The following STX18 variants were observed in gnomAD, a reference collection of about 807,000 sequenced individuals.
STX18 encodes the protein syntaxin 18.
A neutral mutation model predicts 50.1 loss-of-function variants in STX18; 40 were observed. The ratio of observed to expected loss-of-function variants is 0.80; its 90% CI spans 0.62 to 1.04. STX18 has a LOEUF of 1.04. STX18 is among the 50% of genes least tolerant of loss of function. The pLI, the probability that STX18 is intolerant of heterozygous loss-of-function variation, is 0.00. For synonymous variants in STX18, 158 were observed against 151.8 expected (o/e 1.04, Z -0.30); for missense variants, 410 against 415.8 (o/e 0.99, Z 0.12).
chr4:4,521,727 T>C (rs980978786), intron 1 of STX18, among the ~76,000 whole-genome samples: 2 of 152,098 alleles, frequency 1.3e-5, no homozygotes, highest in African/African-American at 4.8e-5. Context: ...CCCAGGAACA[T>C]ACACATCTGT....
chr4:4,422,836 G>T (rs543006796), intron 9 of STX18, among the ~76,000 whole-genome samples: 1 of 152,292 alleles, frequency 6.6e-6, no homozygotes, highest in Non-Finnish European at 1.5e-5. Context: ...AGTATCTTAA[G>T]TCAAGTAGTC....
At position 4,420,059 on chromosome 4, in the gene STX18, A is replaced by C; in HGVS notation, c.983T>G (p.Leu328Arg). The C allele has an allele frequency of 6.2e-7, 1 of 1,613,168 alleles. No homozygotes were observed. The stretch of plus-strand genomic sequence containing the variant: ...CTAGCTGTCGTACCAGTCGAGGAAG[A>C]GCAAGGAGAAGGAGCACATCACGAG... Reference protein sequence around the residue: ...FFLVMCSFSLLFLDWYDS With the variant: ...FFLVMCSFSLRFLDWYDS Residue 328 changes from leucine to arginine, a missense_variant, in exon 11 of 11, where the codon CTC becomes CGC. Transcript: ENST00000306200. The surrounding 1 kb of genome is among the most constrained non-coding windows in gnomAD (Gnocchi z 4.3).
intron 5 of STX18, among the ~76,000 whole-genome samples, chr4:4,440,965 T>C (rs1726071853): frequency 6.6e-6 from 1 of 152,212 alleles, no homozygotes; most frequent in African/African-American, 2.4e-5. Flanking sequence ...TGCAGTCATC[T>C]GAAGGGCTGA....
At chr4:4,511,872 A>C (rs964101423) in intron 1 of STX18, among the ~76,000 whole-genome samples, 1 of 152,020 alleles carries the variant, frequency 6.6e-6, no homozygotes, top group Admixed American at 6.6e-5. Context: ...GGATGGGTTA[A>C]AGTTCAGGTT....
At chr4:4,439,072 A>G (rs2108790489) in intron 5 of STX18, among the ~76,000 whole-genome samples, 1 of 149,704 alleles carries the variant, frequency 6.7e-6, no homozygotes, top group Non-Finnish European at 1.5e-5. Context: ...ATATACCCAC[A>G]CACATATATA....
intron 1 of STX18, among the ~76,000 whole-genome samples, chr4:4,520,009 C>T (rs1296081472): frequency 1.3e-5 from 2 of 152,144 alleles, no homozygotes; most frequent in Non-Finnish European, 2.9e-5. Flanking sequence ...CTACTTAAAC[C>T]TGTTCATAAT....
chr4:4,535,102 A>C (rs981849548), intron 1 of STX18, among the ~76,000 whole-genome samples: 3 of 152,202 alleles, frequency 2.0e-5, no homozygotes, highest in African/African-American at 7.2e-5. Flanking sequence ...CGTCTGGTGG[A>C]ATGGTTTTTC....
At chr4:4,453,588 T>G in intron 5 of STX18, 1 of 727,008 alleles carries the variant, frequency 1.4e-6, no homozygotes, top group Non-Finnish European at 1.7e-6. Flanking sequence ...TGCTTTATTG[T>G]GATATTCACT....
In STX18 at chr4:4,485,959, C is replaced by T. The variant is rs191117603; in HGVS notation, c.169-14253G>A. 7.1e-3 allele frequency among the ~76,000 whole-genome samples: 1,080 copies of T among 152,282 alleles called. 5 individuals carry two copies. Among genetic ancestry groups the T allele is most frequent in the Non-Finnish European group, 0.013 (863 of 68,020 alleles). The stretch of plus-strand genomic sequence containing the variant: ...TAGAATTCCATGAGCAGCCTATATC[C>T]TTTGCTCTCTTAGAAGTACGAGTGG... On this transcript the variant is annotated intron_variant, in intron 1 of 10. Transcript: ENST00000306200.
Position 4,419,889 on chromosome 4 carries a change from TAC to T in STX18, c.*143_*144del. On this transcript the variant is annotated 3_prime_UTR_variant, in exon 11 of 11. Transcript: ENST00000306200. ...GCCTGGGGTATCCCTTTTTGGGGAATACGTCTGTCTGTCTGAACTCCTTTCCC... is the reference window on the plus strand; with the variant it reads ...GCCTGGGGTATCCCTTTTTGGGGAATGTCTGTCTGTCTGAACTCCTTTCCC... 1.5e-6 allele frequency: 1 copy of T among 687,942 alleles called. No homozygotes were observed. The highest frequency in any genetic ancestry group is 2.5e-6 in the Non-Finnish European group (1 of 408,136). The allele number at this position is 687,942 out of a possible 1,614,324, so 42.6% of individuals were successfully genotyped here.
chr4:4,424,937 C>T (rs1247055530), intron 8 of STX18, among the ~76,000 whole-genome samples: 3 of 152,110 alleles, frequency 2.0e-5, no homozygotes, highest in Non-Finnish European at 4.4e-5. Flanking sequence ...AGCACCTGGG[C>T]CCCCCGCAGC....
At chr4:4,487,654 C>T (rs1479197401) in intron 1 of STX18, among the ~76,000 whole-genome samples, 1 of 152,176 alleles carries the variant, frequency 6.6e-6, no homozygotes, top group Non-Finnish European at 1.5e-5. Context: ...TGTCGCCTCC[C>T]CCCTGCCAAA....
chr4:4,446,291 G>A (rs35879494), intron 5 of STX18, among the ~76,000 whole-genome samples: 3,244 of 151,992 alleles, frequency 0.021, 47 homozygotes, highest in South Asian at 0.033. Flanking sequence ...TAGTGACCTT[G>A]GGGTAGACAA....
chr4:4,510,764 C>A (rs1005796657), intron 1 of STX18, among the ~76,000 whole-genome samples: 1 of 152,114 alleles, frequency 6.6e-6, no homozygotes, highest in African/African-American at 2.4e-5. Context: ...AAAGGCCCAT[C>A]AATGATAGAC....
chr4:4,510,933 C>T (rs1729972733), intron 1 of STX18, among the ~76,000 whole-genome samples: 1 of 151,804 alleles, frequency 6.6e-6, no homozygotes, highest in South Asian at 2.1e-4. Context: ...TGTTCTCACT[C>T]ATAAGTGGGA....
chr4:4,511,580 C>T (rs1730005662), intron 1 of STX18, among the ~76,000 whole-genome samples: 1 of 151,944 alleles, frequency 6.6e-6, no homozygotes, highest in Admixed American at 6.6e-5. Flanking sequence ...CTATTTGAAT[C>T]TATGTGGTAG....
At chr4:4,439,992 A>C (rs1726022661) in intron 5 of STX18, among the ~76,000 whole-genome samples, 1 of 152,222 alleles carries the variant, frequency 6.6e-6, no homozygotes, top group African/African-American at 2.4e-5. Context: ...CCTAGATCCC[A>C]GATTCTGGAT....
At position 4,540,508 on chromosome 4, in the gene STX18, C is replaced by T. The variant is rs199924945; in HGVS notation, c.168+1289G>A. On this transcript the variant is annotated intron_variant, in intron 1 of 10. Coordinates refer to ENST00000306200, the MANE Select transcript of STX18 (RefSeq NM_016930.4). ...TTCTGCACTGGAACCAACTAATCCT[C>T]TTTCAAGATTTGTTTTAGGCATCAT... Among the ~76,000 whole-genome samples, 11 of 152,362 alleles carry T rather than the reference C, an allele frequency of 7.2e-5. No homozygotes were observed. In the East Asian group the frequency reaches 1.9e-3, roughly 27 times the overall value.
chr4:4,454,521 G>A (rs535264489), intron 5 of STX18, among the ~76,000 whole-genome samples: 3 of 152,280 alleles, frequency 2.0e-5, no homozygotes, highest in African/African-American at 4.8e-5. Context: ...GAGACCCAGT[G>A]ACCACCACAC....
Sources: allele counts gnomAD v4.1 joint callset (sites outside exome capture counted in the v4.1 genomes callset), GRCh38; gene constraint gnomAD v4.1.1; non-coding constraint Gnocchi (gnomAD v3.1); transcripts MANE v1.5; gene names NCBI Gene and HGNC (gene_info 2026-07-23, HGNC 2026-07-21).